Variants in TUBGCP3 observed in about 807,000 individuals in gnomAD.
TUBGCP3 encodes the protein tubulin gamma complex component 3, also known as gamma-tubulin complex component 3.
TUBGCP3 carries 50 observed loss-of-function variants against 123.1 expected under a neutral mutation model. The observed-to-expected ratio is 0.41, with a 90% CI of 0.32 to 0.51. TUBGCP3 has a LOEUF of 0.51. Among genes scored for constraint, TUBGCP3 ranks in the 20% least tolerant of loss-of-function variants. TUBGCP3 has a pLI of 0.36. For missense variants in TUBGCP3, 882 were observed against 1,127.0 expected (o/e 0.78, Z 3.11); for synonymous variants, 405 against 413.9 (o/e 0.98, Z 0.26).
At chr13:112,576,074 C>A (rs1202310001) in intron 1 of TUBGCP3, among the ~76,000 whole-genome samples, 2 of 152,178 alleles carry the variant, frequency 1.3e-5, no homozygotes, top group Non-Finnish European at 2.9e-5. Context: ...TAAATTAAAC[C>A]TTATTTAAAA....
intron 14 of TUBGCP3, 73 bp from the exon 15 acceptor site, chr13:112,520,094 A>G (rs1349109874): frequency 1.4e-5 from 20 of 1,417,100 alleles, no homozygotes; most frequent in Non-Finnish European, 1.8e-5. Flanking sequence ...CGTATAAACT[A>G]TTAAAAGTAA....
At chr13:112,591,019 T>TA (rs1186688891), upstream of TUBGCP3, among the ~76,000 whole-genome samples, 2 of 152,174 alleles carry the variant, frequency 1.3e-5, no homozygotes, top group Non-Finnish European at 2.9e-5. Flanking sequence ...GGCACCTAAG[T>TA]AAAAACTGTT....
At chr13:112,563,977 G>T (rs1346231651) in intron 3 of TUBGCP3, among the ~76,000 whole-genome samples, 2 of 152,082 alleles carry the variant, frequency 1.3e-5, no homozygotes, top group East Asian at 3.9e-4. Flanking sequence ...ATCTTGGTAA[G>T]GCTAAGAATC....
At chr13:112,583,615 T>C (rs1882416602) in intron 1 of TUBGCP3, among the ~76,000 whole-genome samples, 1 of 152,206 alleles carries the variant, frequency 6.6e-6, no homozygotes, top group African/African-American at 2.4e-5. Flanking sequence ...AACTTCAAGA[T>C]GCACAAAAAT....
chr13:112,600,136 G>A, the TUBGCP3 span, among the ~76,000 whole-genome samples: 10 of 152,114 alleles, frequency 6.6e-5, no homozygotes, highest in African/African-American at 1.9e-4. Flanking sequence ...GGGATGCTGC[G>A]GTAGAGAATT....
At chr13:112,552,417 C>T (rs1444337899) in intron 8 of TUBGCP3, among the ~76,000 whole-genome samples, 2 of 152,240 alleles carry the variant, frequency 1.3e-5, no homozygotes, top group Non-Finnish European at 2.9e-5. Flanking sequence ...CCAGTCCTAC[C>T]TGCCTCGAGA....
At chr13:112,499,697 A>G (rs533884844) in intron 19 of TUBGCP3, among the ~76,000 whole-genome samples, 19 of 152,230 alleles carry the variant, frequency 1.2e-4, no homozygotes, top group Non-Finnish European at 1.8e-4. Flanking sequence ...AATGTATCAT[A>G]GTTTATACCA....
chr13:112,582,985 G>A (rs1310782783), intron 1 of TUBGCP3, among the ~76,000 whole-genome samples: 2 of 152,134 alleles, frequency 1.3e-5, no homozygotes, highest in South Asian at 2.1e-4. Context: ...AGAGAAATTC[G>A]CCATCAAATT....
chr13:112,572,431 C>T (rs1003669754), intron 1 of TUBGCP3, among the ~76,000 whole-genome samples: 4 of 152,018 alleles, frequency 2.6e-5, no homozygotes, highest in African/African-American at 7.2e-5. Context: ...CCCCCACCCT[C>T]CAACAGGCTC....
At chr13:112,516,248 T>G (rs1391654959) in intron 17 of TUBGCP3, among the ~76,000 whole-genome samples, 192 bp downstream of exon 17, 1 of 152,224 alleles carries the variant, frequency 6.6e-6, no homozygotes, top group African/African-American at 2.4e-5. Flanking sequence ...AGGCAATTTT[T>G]AAAAAGTATA....
In TUBGCP3 at chr13:112,522,355, T is replaced by C. The variant is rs1420944210; in HGVS notation, c.1710A>G (p.Gln570=). The part of the protein sequence containing the change: ...QAMRRYLLLG[Q]GDFIRHLMDL... ...CCATTAAGTGCCTTATAAAGTCTCC[T>C]TGACCAAGAAGCAGGTACCGCCTCA... Residue 570 remains glutamine (Q), a synonymous_variant, in exon 14 of 22, where the codon CAA becomes CAG. Coordinates refer to ENST00000261965, the MANE Select transcript of TUBGCP3 (RefSeq NM_006322.6). 1 of 1,611,658 alleles carries C rather than the reference T, an allele frequency of 6.2e-7. No individual in the cohort carries two copies. Among genetic ancestry groups the C allele is most frequent in the Non-Finnish European group, 8.5e-7 (1 of 1,178,084 alleles).
intron 20 of TUBGCP3, among the ~76,000 whole-genome samples, chr13:112,494,412 A>G (rs981515938): frequency 2.0e-5 from 3 of 152,192 alleles, no homozygotes; most frequent in African/African-American, 7.2e-5. Context: ...TTAAACATCT[A>G]AACTTAGTAT....
intron 20 of TUBGCP3, among the ~76,000 whole-genome samples, chr13:112,493,334 T>G (rs1358243347): frequency 6.7e-6 from 1 of 149,854 alleles, no homozygotes; most frequent in Non-Finnish European, 1.5e-5. Context: ...TGGCCTGGTA[T>G]GCCTGAGACG....
chr13:112,584,646 C>T (rs2148076), intron 1 of TUBGCP3, among the ~76,000 whole-genome samples: 90 of 152,270 alleles, frequency 5.9e-4, no homozygotes, highest in African/African-American at 1.8e-3. Context: ...CAATCATCTT[C>T]GAATATGCTG....
intron 1 of TUBGCP3, among the ~76,000 whole-genome samples, chr13:112,582,916 T>C (rs1387997560): frequency 6.6e-6 from 1 of 152,150 alleles, no homozygotes; most frequent in Non-Finnish European, 1.5e-5. Context: ...CAAGAGCGGA[T>C]AGAGGTGAGA....
chr13:112,546,544 A>G (rs1399880779), intron 10 of TUBGCP3: 1 of 152,360 alleles, frequency 6.6e-6, no homozygotes, highest in Non-Finnish European at 1.5e-5. Context: ...GAGTGACAGG[A>G]TCTGATTTTA....
chr13:112,526,832 T>C, intron 13 of TUBGCP3, 110 bp downstream of exon 13: 1 of 792,342 alleles, frequency 1.3e-6, no homozygotes, highest in South Asian at 1.6e-5. Context: ...CATCACACCA[T>C]CACAATCACT....
chr13:112,580,235 G>C (rs966801734), intron 1 of TUBGCP3, among the ~76,000 whole-genome samples: 1 of 152,074 alleles, frequency 6.6e-6, no homozygotes, highest in African/African-American at 2.4e-5. Flanking sequence ...GGGCTAAATA[G>C]CAGAATGGAG....
In TUBGCP3 at chr13:112,549,031, C is replaced by T. The variant is rs1879309946; in HGVS notation, c.967-855G>A. Among the ~76,000 whole-genome samples, 5 of 152,166 alleles carry T rather than the reference C, an allele frequency of 3.3e-5. No individual in the cohort carries two copies. The South Asian group carries it at 1.0e-3, about 32-fold the overall frequency. Reference sequence around the variant, plus strand: ...AATCATGCTGCTATAAAGACACATGCACACGTATGTTTACTGCAGCACTAT... The same window carrying T: ...AATCATGCTGCTATAAAGACACATGTACACGTATGTTTACTGCAGCACTAT... On this transcript the variant is annotated intron_variant, in intron 8 of 21. Coordinates refer to ENST00000261965, the MANE Select transcript of TUBGCP3 (RefSeq NM_006322.6).
Sources: gnomAD v4.1 joint callset for allele counts (sites outside exome capture counted in the v4.1 genomes callset) on GRCh38, gnomAD v4.1.1 for gene constraint, MANE v1.5 for transcripts, NCBI Gene and HGNC (gene_info 2026-07-23, HGNC 2026-07-21) for gene names.